KCNN2: variants seen among roughly 807,000 people sequenced by gnomAD.
The protein encoded by KCNN2 is small conductance calcium-activated potassium channel protein 2.
A neutral mutation model predicts 55.5 loss-of-function variants in KCNN2; 24 were observed. The observed-to-expected ratio is 0.43, with a 90% CI of 0.31 to 0.61. The LOEUF (loss-of-function observed/expected upper bound fraction) is 0.61, where lower values mean the gene tolerates loss of function less well. Ranked by LOEUF, KCNN2 falls within the 20% of genes least tolerant of loss-of-function variation. The pLI, the probability that KCNN2 is intolerant of heterozygous loss-of-function variation, is 0.08. For missense variants in KCNN2, 754 were observed against 853.6 expected (o/e 0.88, Z 1.45); for synonymous variants, 431 against 336.1 (o/e 1.28, Z -3.09).
chr5:114,192,861 C>G (rs1580606364), intron 1 of KCNN2, among the ~76,000 whole-genome samples: 2 of 152,012 alleles, frequency 1.3e-5, no homozygotes, highest in African/African-American at 4.8e-5. Flanking sequence ...ACTCTTTGCC[C>G]CCAGCCTTCC....
chr5:114,425,143 G>T (rs1440272554), intron 3 of KCNN2, among the ~76,000 whole-genome samples: 1 of 152,188 alleles, frequency 6.6e-6, no homozygotes, highest in Non-Finnish European at 1.5e-5. Flanking sequence ...TTCAGTAAAT[G>T]AAAGATACTA....
At chr5:114,383,230 C>T (rs1345523541) in intron 2 of KCNN2, among the ~76,000 whole-genome samples, 1 of 152,120 alleles carries the variant, frequency 6.6e-6, no homozygotes, top group African/African-American at 2.4e-5. Flanking sequence ...TTTTACCTTC[C>T]TCCCAACAGT....
chr5:114,152,368 T>A (rs1752545931), intron 1 of KCNN2, among the ~76,000 whole-genome samples: 1 of 152,232 alleles, frequency 6.6e-6, no homozygotes, highest in South Asian at 2.1e-4. Context: ...GTTTGGATAT[T>A]TTCCTGTCTT....
intron 6 of KCNN2, among the ~76,000 whole-genome samples, chr5:114,490,067 G>C (rs1383204721): frequency 6.6e-6 from 1 of 152,144 alleles, no homozygotes; most frequent in African/African-American, 2.4e-5. Context: ...TGTCTTTTTA[G>C]ATTGTCACTT....
chr5:114,317,887 C>G (rs1317552801), intron 2 of KCNN2, among the ~76,000 whole-genome samples: 1 of 152,192 alleles, frequency 6.6e-6, no homozygotes, highest in Non-Finnish European at 1.5e-5. Context: ...CCCATCTTCA[C>G]GGCAGCACAA....
At chr5:114,486,631 G>GA in intron 5 of KCNN2, 3 of 758,538 alleles carry the variant, frequency 4.0e-6, no homozygotes, top group Non-Finnish European at 5.7e-6. Context: ...TGCACAGCCA[G>GA]AAATACCAAG....
At chr5:114,275,331 G>A (rs1320795129) in intron 2 of KCNN2, among the ~76,000 whole-genome samples, 1 of 152,142 alleles carries the variant, frequency 6.6e-6, no homozygotes, top group Non-Finnish European at 1.5e-5. Context: ...TTTGGTGTCA[G>A]GATGATGCTA....
intron 1 of KCNN2, among the ~76,000 whole-genome samples, chr5:114,214,836 T>G (rs1753970024): frequency 6.6e-6 from 1 of 152,072 alleles, no homozygotes; most frequent in South Asian, 2.1e-4. Context: ...TGAGCGAAAA[T>G]TTTAAAAGCA....
rs150867233 is a variant in KCNN2, at chr5:114,226,770, G to A, written c.-185+5205G>A. 7.7e-3 allele frequency among the ~76,000 whole-genome samples: 1,165 copies of A among 151,812 alleles called. 17 individuals carry two copies. Among genetic ancestry groups the A allele is most frequent in the African/African-American group, 0.027 (1,111 of 41,410 alleles). On this transcript the variant is annotated intron_variant, in intron 2 of 10. Transcript: ENST00000512097. ...CAAAAAATCAACCGGGCATGGTGGCGGGCACCTGTAGTCCCAGCTACTTGG... is the reference window on the plus strand; with the variant it reads ...CAAAAAATCAACCGGGCATGGTGGCAGGCACCTGTAGTCCCAGCTACTTGG...
chr5:114,342,199 C>T (rs1757029625), intron 2 of KCNN2, among the ~76,000 whole-genome samples: 1 of 128,666 alleles, frequency 7.8e-6, no homozygotes, highest in African/African-American at 2.7e-5. Flanking sequence ...CTGTGCCCGG[C>T]CCATAATTTT....
At chr5:114,294,096 A>G (rs1755954646) in intron 2 of KCNN2, among the ~76,000 whole-genome samples, 1 of 151,802 alleles carries the variant, frequency 6.6e-6, no homozygotes, top group African/African-American at 2.4e-5. Context: ...TTTCTTTATT[A>G]GTCTTGCTAG....
intron 2 of KCNN2, among the ~76,000 whole-genome samples, chr5:114,314,183 G>A (rs1407907962): frequency 6.6e-6 from 1 of 152,002 alleles, no homozygotes; most frequent in African/African-American, 2.4e-5. Context: ...TATTTTTAGA[G>A]CAATTTTAGG....
intron 2 of KCNN2, among the ~76,000 whole-genome samples, chr5:114,265,832 T>G (rs141991235): frequency 1.3e-5 from 2 of 152,258 alleles, no homozygotes; most frequent in African/African-American, 4.8e-5. Context: ...CACTGGTGTT[T>G]GTTGACTACT....
intron 2 of KCNN2, among the ~76,000 whole-genome samples, chr5:114,308,744 G>A (rs73243738): frequency 9.9e-5 from 15 of 152,238 alleles, no homozygotes; most frequent in East Asian, 5.8e-4. Context: ...AAGAGAGCCC[G>A]CAGCTAATGG....
chr5:114,357,560 T>C (rs1416078776), upstream of KCNN2, among the ~76,000 whole-genome samples: 1 of 129,522 alleles, frequency 7.7e-6, no homozygotes, highest in Non-Finnish European at 1.6e-5. Context: ...TTTGGTTTTT[T>C]GTTCTTGCGA....
At chr5:114,261,448 T>C (rs1318269635) in intron 2 of KCNN2, among the ~76,000 whole-genome samples, 1 of 152,132 alleles carries the variant, frequency 6.6e-6, no homozygotes, top group Non-Finnish European at 1.5e-5. Context: ...GGAAGGCTGA[T>C]TTTGCCATCA....
At chr5:114,074,327 T>C (rs866211023) in intron 1 of KCNN2, among the ~76,000 whole-genome samples, 139 of 133,406 alleles carry the variant, frequency 1.0e-3, no homozygotes, top group East Asian at 5.7e-3. Flanking sequence ...TGTGTGTGTG[T>C]GTGCGCGCGC....
intron 2 of KCNN2, among the ~76,000 whole-genome samples, chr5:114,325,022 A>G (rs1756688950): frequency 6.6e-6 from 1 of 152,220 alleles, no homozygotes; most frequent in South Asian, 2.1e-4. Flanking sequence ...GGAACTTGTT[A>G]TTGCAAGCTG....
chr5:114,337,846 A>G (rs1167998781), intron 2 of KCNN2, among the ~76,000 whole-genome samples: 2 of 152,218 alleles, frequency 1.3e-5, no homozygotes, highest in African/African-American at 4.8e-5. Flanking sequence ...ATAATCTCAC[A>G]TATTAAAAGT....
Sources: allele counts gnomAD v4.1 joint callset (sites outside exome capture counted in the v4.1 genomes callset), GRCh38; gene constraint gnomAD v4.1.1; transcripts MANE v1.5; gene names NCBI Gene and HGNC (gene_info 2026-07-23, HGNC 2026-07-21).